TSPAN9: variants seen among roughly 807,000 people sequenced by gnomAD.
TSPAN9 encodes the protein tetraspanin-9.
TSPAN9 carries 16 observed loss-of-function variants against 31.0 expected under a neutral mutation model. The observed-to-expected ratio is 0.52, with a 90% CI of 0.35 to 0.78. TSPAN9 has a LOEUF of 0.78. Ranked by LOEUF, TSPAN9 falls within the 30% of genes least tolerant of loss-of-function variation. The probability of loss-of-function intolerance (pLI) is 0.01; values close to 1 mark genes in which losing one functional copy is unlikely to be tolerated. For synonymous variants in TSPAN9, 145 were observed against 121.6 expected (o/e 1.19, Z -1.27); for missense variants, 272 against 312.5 (o/e 0.87, Z 0.98).
At chr12:3,198,426 TCAC>T (rs1333621602) in intron 2 of TSPAN9, among the ~76,000 whole-genome samples, 3 of 56,978 alleles carry the variant, frequency 5.3e-5, no homozygotes, top group African/African-American at 2.2e-4. Flanking sequence ...CCAGCACAGC[TCAC>T]CACCAGCACA....
chr12:3,098,976 C>A (rs2098310537), intron 2 of TSPAN9, among the ~76,000 whole-genome samples: 2 of 152,166 alleles, frequency 1.3e-5, no homozygotes, highest in Non-Finnish European at 2.9e-5. Context: ...TGGTCTCGAA[C>A]TCCTGACCTC....
At chr12:3,269,684 T>C (rs960614405) in intron 3 of TSPAN9, among the ~76,000 whole-genome samples, 1 of 152,248 alleles carries the variant, frequency 6.6e-6, no homozygotes, top group Non-Finnish European at 1.5e-5. Context: ...GCTTGCAGTC[T>C]AGAGGCCACA....
At chr12:3,197,743 ACCACCAGCACAGGT>A (rs2098367911) in intron 2 of TSPAN9, among the ~76,000 whole-genome samples, 1 of 97,724 alleles carries the variant, frequency 1.0e-5, no homozygotes, top group Non-Finnish European at 2.0e-5. Context: ...AGCACAGGCC[ACCACCAGCACAGGT>A]CACCAGCACA....
In TSPAN9 at chr12:3,170,929, A is replaced by G. The variant is rs113724578; in HGVS notation, c.-17-30248A>G. Among the ~76,000 whole-genome samples, 462 of 152,228 alleles carry G rather than the reference A, an allele frequency of 3.0e-3. 2 individuals carry two copies. The highest frequency in any genetic ancestry group is 0.011 in the African/African-American group (445 of 41,544). On this transcript the variant is annotated intron_variant, in intron 2 of 8. Coordinates refer to ENST00000011898, the MANE Select transcript of TSPAN9 (RefSeq NM_006675.5). The surrounding 1 kb of genome is among the most constrained non-coding windows in gnomAD (Gnocchi z 4.4). ...CATCTGCGTCTCCACTTGGATGACT[A>G]ATAGACGTCCTAATGTACTGAAAAG...
chr12:3,234,629 A>G lies in TSPAN9; in HGVS notation c.63+33373A>G, dbSNP rs1238227063. Among the ~76,000 whole-genome samples the G allele has an allele frequency of 2.6e-5, 4 of 152,274 alleles. No individual in the cohort carries two copies. The East Asian group carries it at 7.7e-4, about 29-fold the overall frequency. On this transcript the variant is annotated intron_variant, in intron 3 of 8. Coordinates refer to ENST00000011898, the MANE Select transcript of TSPAN9 (RefSeq NM_006675.5). ...AGGCTTTCAGGTGCACTGTGCAGTG[A>G]GGGGCACATTCTAGGCCAGGCCTGC...
At chr12:3,274,303 C>T (rs2153980383) in intron 3 of TSPAN9, among the ~76,000 whole-genome samples, 1 of 152,302 alleles carries the variant, frequency 6.6e-6, no homozygotes, top group East Asian at 1.9e-4. Flanking sequence ...TAAGACTGCG[C>T]CAGAGGGACC....
At chr12:3,160,622 A>C (rs1347300851) in intron 2 of TSPAN9, among the ~76,000 whole-genome samples, 1 of 152,024 alleles carries the variant, frequency 6.6e-6, no homozygotes, top group Admixed American at 6.5e-5. Context: ...ACACTTGTTA[A>C]TTTCTGTCTT....
intron 3 of TSPAN9, 98 bp from the exon 4 acceptor site, chr12:3,278,323 C>G (rs1403734453): frequency 1.3e-6 from 2 of 1,501,196 alleles, no homozygotes; most frequent in Non-Finnish European, 1.8e-6. Context: ...CTCACTTTGT[C>G]TGTGTCTCAG....
At position 3,276,239 on chromosome 12, in the gene TSPAN9, G is replaced by A. The variant is rs138197814; in HGVS notation, c.64-2182G>A. Among the ~76,000 whole-genome samples the A allele has an allele frequency of 5.3e-4, 80 of 152,298 alleles. 2 individuals carry two copies. In the East Asian group the frequency reaches 0.013, roughly 25 times the overall value. ...CTCCTGGCCTCCCTCGGGCCCTCCC[G>A]CGGTCGCTTCTCCAAACAGCAGCCA... On this transcript the variant is annotated intron_variant, in intron 3 of 8. Transcript: ENST00000011898.
chr12:3,193,149 C>G (rs1251439818), intron 2 of TSPAN9, among the ~76,000 whole-genome samples: 1 of 151,918 alleles, frequency 6.6e-6, no homozygotes, highest in African/African-American at 2.4e-5. Context: ...TTCATCTAGT[C>G]CCAAGGCCCA....
intron 3 of TSPAN9, among the ~76,000 whole-genome samples, chr12:3,222,317 C>T (rs1465094569): frequency 1.3e-5 from 2 of 152,334 alleles, no homozygotes; most frequent in East Asian, 1.9e-4. Context: ...GTCTTGGGTC[C>T]ATAACTTGTA....
intron 2 of TSPAN9, among the ~76,000 whole-genome samples, chr12:3,129,572 A>C (rs79813912): frequency 1.7e-3 from 252 of 152,248 alleles, no homozygotes; most frequent in African/African-American, 5.4e-3. Context: ...TGTATCCCTT[A>C]ACTCTTTGGC....
chr12:3,271,629 C>T (rs1862680449), intron 3 of TSPAN9, among the ~76,000 whole-genome samples: 1 of 152,186 alleles, frequency 6.6e-6, no homozygotes, highest in Non-Finnish European at 1.5e-5. Context: ...GCATCCCACC[C>T]CATGGTTCCA....
At chr12:3,117,458 C>T (rs2098322950) in intron 2 of TSPAN9, among the ~76,000 whole-genome samples, 1 of 150,604 alleles carries the variant, frequency 6.6e-6, no homozygotes, top group Admixed American at 6.7e-5. Context: ...ATCCTAGGGC[C>T]TGTCTCTTCC....
intron 2 of TSPAN9, among the ~76,000 whole-genome samples, chr12:3,174,805 A>C (rs977531872): frequency 5.4e-5 from 8 of 149,400 alleles, no homozygotes; most frequent in East Asian, 2.1e-4. Flanking sequence ...GATGGTCTCG[A>C]TCTCCTGACC....
At chr12:3,278,682 A>G in intron 4 of TSPAN9, 70 bp downstream of exon 4, 1 of 1,557,600 alleles carries the variant, frequency 6.4e-7, no homozygotes, top group East Asian at 2.3e-5. Flanking sequence ...TGGGACAGGC[A>G]AGACCTGGAA....
intron 3 of TSPAN9, among the ~76,000 whole-genome samples, chr12:3,205,826 G>A (rs2098374845): frequency 6.6e-6 from 1 of 152,134 alleles, no homozygotes; most frequent in Admixed American, 6.5e-5. Flanking sequence ...CTGGGGGAAG[G>A]GGGACAGGTG....
At chr12:3,152,186 C>G (rs1314641247) in intron 2 of TSPAN9, among the ~76,000 whole-genome samples, 4 of 152,192 alleles carry the variant, frequency 2.6e-5, no homozygotes, top group Non-Finnish European at 2.9e-5. Context: ...AAGGCACCCC[C>G]CTCTGTCATA....
chr12:3,241,648 G>A (rs1359235385), intron 3 of TSPAN9, among the ~76,000 whole-genome samples: 5 of 152,170 alleles, frequency 3.3e-5, no homozygotes, highest in Non-Finnish European at 4.4e-5. Flanking sequence ...CCGACATTCC[G>A]TGAGTGCCCT....
Sources: gnomAD v4.1 joint callset for allele counts (sites outside exome capture counted in the v4.1 genomes callset) on GRCh38, gnomAD v4.1.1 for gene constraint, Gnocchi (gnomAD v3.1) non-coding constraint, MANE v1.5 for transcripts, NCBI Gene and HGNC (gene_info 2026-07-23, HGNC 2026-07-21) for gene names.